Variants in TTYH2 observed in about 807,000 individuals in gnomAD.
TTYH2 encodes the protein tweety family member 2.
In TTYH2, 49 loss-of-function variants were observed where a neutral mutation model predicts 68.3. The observed-to-expected ratio is 0.72, with a 90% CI of 0.57 to 0.91. The LOEUF is 0.91. TTYH2 is among the 40% of genes least tolerant of loss of function. The pLI, the probability that TTYH2 is intolerant of heterozygous loss-of-function variation, is 0.00. For synonymous variants in TTYH2, 272 were observed against 300.8 expected (o/e 0.90, Z 0.99); for missense variants, 631 against 700.4 (o/e 0.90, Z 1.12).
Position 74,231,047 on chromosome 17 carries a change from C to A in TTYH2, c.414+48C>A, listed in dbSNP as rs199507406. On this transcript the variant is annotated intron_variant, in intron 3 of 13. Transcript: ENST00000269346. ...CGGGTACAGGCACAGCCCACAAGGTCAGCGTGGTCAGAGCAAGGGCCCCCG... is the reference window on the plus strand; with the variant it reads ...CGGGTACAGGCACAGCCCACAAGGTAAGCGTGGTCAGAGCAAGGGCCCCCG... 9 of 1,568,098 alleles carry A rather than the reference C, an allele frequency of 5.7e-6. No individual in the cohort carries two copies. In the East Asian group the frequency reaches 2.0e-4, roughly 35 times the overall value.
intron 5 of TTYH2, 39 bp from the exon 6 acceptor site, chr17:74,243,938 G>A: frequency 6.2e-7 from 1 of 1,601,156 alleles, no homozygotes; most frequent in Non-Finnish European, 8.5e-7. Context: ...AGAGGAAGGG[G>A]ACCCCGCCTG....
intron 13 of TTYH2, among the ~76,000 whole-genome samples, chr17:74,258,701 G>A (rs1374182150): frequency 6.8e-6 from 1 of 147,158 alleles, no homozygotes; most frequent in Non-Finnish European, 1.5e-5. Context: ...TTCTCGGTGG[G>A]GGGTTCCTGT....
rs1274471955 is a variant in TTYH2 at position 74,213,650 on chromosome 17, G to T, written c.63G>T (p.Pro21=). ...PWWVVWLHSV[P]HVGLRLQPVN... ...GGGTCGTGTGGCTGCACAGCGTCCC[G>T]CACGTCGGCCTGCGCCTGCAGCCCG... The change falls in exon 1 of 14, where the codon CCG becomes CCT. Residue 21 remains proline (P), a synonymous_variant. Coordinates refer to ENST00000269346, the MANE Select transcript of TTYH2 (RefSeq NM_032646.6). The surrounding 1 kb of genome is among the most constrained non-coding windows in gnomAD (Gnocchi z 6.1). 3 of 1,612,128 alleles carry T rather than the reference G, an allele frequency of 1.9e-6. No individual in the cohort carries two copies. The highest frequency in any genetic ancestry group is 1.7e-4 in the Middle Eastern group (1 of 6,036).
At chr17:74,225,952 G>A (rs763748743) in intron 2 of TTYH2, among the ~76,000 whole-genome samples, 9 of 152,250 alleles carry the variant, frequency 5.9e-5, no homozygotes, top group Non-Finnish European at 1.0e-4. Context: ...ACACCTGGGC[G>A]TGGGCAGTGA....
At chr17:74,219,569 G>GCA (rs1271009917) in intron 1 of TTYH2, among the ~76,000 whole-genome samples, 1 of 151,694 alleles carries the variant, frequency 6.6e-6, no homozygotes, top group Non-Finnish European at 1.5e-5. Context: ...CTTGAAATCC[G>GCA]CACCCTCCCA....
intron 1 of TTYH2, among the ~76,000 whole-genome samples, chr17:74,216,778 G>C (rs905499021): frequency 6.6e-6 from 1 of 152,256 alleles, no homozygotes; most frequent in Admixed American, 6.5e-5. Flanking sequence ...AGATGTGGCT[G>C]TATGTCTGGA....
chr17:74,244,212 A>G (rs529649355), intron 6 of TTYH2, 163 bp downstream of exon 6: 3 of 649,456 alleles, frequency 4.6e-6, no homozygotes, highest in Non-Finnish European at 5.2e-6. Flanking sequence ...CTCTCGTTAC[A>G]GATGGGGAAA....
chr17:74,243,025 T>C (rs1045123638), intron 4 of TTYH2, among the ~76,000 whole-genome samples: 2 of 151,982 alleles, frequency 1.3e-5, no homozygotes, highest in Non-Finnish European at 2.9e-5. Flanking sequence ...GCACAAGCCA[T>C]ATTTCAAGTT....
At position 74,216,745 on chromosome 17, in the gene TTYH2, C is replaced by T. The variant is rs149490771; in HGVS notation, c.129+3029C>T. 2.0e-3 allele frequency among the ~76,000 whole-genome samples: 310 copies of T among 152,346 alleles called. 1 individual carries two copies. Among genetic ancestry groups the T allele is most frequent in the African/African-American group, 7.1e-3 (294 of 41,578 alleles). ...GTGGACGAGGGCACCTTGGCCCTGG[C>T]GGGCACCCAGCTCTGGGCTGCCAGA... On this transcript the variant is annotated intron_variant, in intron 1 of 13. Coordinates refer to ENST00000269346, the MANE Select transcript of TTYH2 (RefSeq NM_032646.6).
intron 1 of TTYH2, among the ~76,000 whole-genome samples, chr17:74,220,318 A>G (rs1294233868): frequency 6.6e-6 from 1 of 152,212 alleles, no homozygotes; most frequent in Admixed American, 6.5e-5. Context: ...AGCTACTGGA[A>G]AAAGTTTGAG....
chr17:74,237,714 C>A (rs1009641497), intron 4 of TTYH2, among the ~76,000 whole-genome samples, 200 bp downstream of exon 4: 16 of 152,086 alleles, frequency 1.1e-4, no homozygotes, highest in African/African-American at 3.6e-4. Flanking sequence ...ACAATCTCTA[C>A]CTCCGGGGTT....
chr17:74,224,860 G>A (rs914322020), intron 2 of TTYH2, among the ~76,000 whole-genome samples: 7 of 152,272 alleles, frequency 4.6e-5, no homozygotes, highest in East Asian at 1.9e-4. Context: ...TTAGCTGGGC[G>A]TGGTGGCGAG....
In TTYH2 at chr17:74,243,426, G is replaced by C; in HGVS notation, c.688G>C (p.Ala230Pro). ...FILDLVICLI[A>P]CLGLAKRSKC... ...CCTGGACCTGGTCATCTGCCTCATTGCCTGCCTGGGACTGGCCAAGCGCTC... is the reference window on the plus strand; with the variant it reads ...CCTGGACCTGGTCATCTGCCTCATTCCCTGCCTGGGACTGGCCAAGCGCTC... Residue 230 changes from alanine to proline, a missense_variant, in exon 5 of 14, where the codon GCC becomes CCC. Ala to Pro is a conservative substitution (Grantham distance 27). Transcript: ENST00000269346. 6.2e-7 allele frequency: 1 copy of C among 1,614,172 alleles called. No homozygotes were observed. The highest frequency in any genetic ancestry group is 1.3e-5 in the African/African-American group (1 of 75,032).
At chr17:74,256,032 A>G (rs529599158) in intron 13 of TTYH2, among the ~76,000 whole-genome samples, 3 of 152,320 alleles carry the variant, frequency 2.0e-5, no homozygotes, top group African/African-American at 7.2e-5. Context: ...TCATAGTGTC[A>G]GACCCGAGAA....
rs759303957 is a variant in TTYH2 at position 74,260,191 on chromosome 17, G to C, written c.1587G>C (p.Gly529=). ...CGGATGAGCACCTGAGGCACTACGG[G>C]AATCAGTTTCCAGCCTAACAGACTT... ...SVADEHLRHY[G]NQFPA is the part of the protein sequence containing the mutation. The change falls in exon 14 of 14, where the codon GGG becomes GGC. Residue 529 remains glycine, a synonymous_variant. Transcript: ENST00000269346. 8.7e-6 allele frequency: 14 copies of C among 1,613,852 alleles called. No individual in the cohort carries two copies. Among genetic ancestry groups the C allele is most frequent in the African/African-American group, 1.3e-5 (1 of 74,920 alleles).
In TTYH2 at chr17:74,213,710, C is replaced by G; in HGVS notation, c.123C>G (p.Tyr41Ter). 6.2e-7 allele frequency: 1 copy of G among 1,611,374 alleles called. No homozygotes were observed. The highest frequency in any genetic ancestry group is 8.5e-7 in the Non-Finnish European group (1 of 1,178,862). ...CCTTCAGCCCCGGCGACGAGAGTTA[C>G]CAGGAGGTAAGTTTACGCCGCCCCA... ...NSTFSPGDESYQESLLFLGLV... is the reference protein window; with the variant it reads ...NSTFSPGDES The change falls in exon 1 of 14, where the codon TAC becomes TAG. Residue 41 changes from tyrosine to a stop codon, truncating the protein, a stop_gained. Transcript: ENST00000269346. LOFTEE classifies it high-confidence loss of function. This position sits in a 1 kb window ranked among gnomAD's most constrained non-coding sequence, Gnocchi z 6.1.
At chr17:74,243,041 T>A (rs2050517683) in intron 4 of TTYH2, among the ~76,000 whole-genome samples, 1 of 152,208 alleles carries the variant, frequency 6.6e-6, no homozygotes, top group African/African-American at 2.4e-5. Context: ...AAGTTCTCGG[T>A]AGCCACCTGT....
At chr17:74,250,056 G>C (rs776533680) in intron 9 of TTYH2, 28 bp downstream of exon 9, 2 of 1,610,668 alleles carry the variant, frequency 1.2e-6, no homozygotes, top group Non-Finnish European at 1.7e-6. Flanking sequence ...GAAGAGGGGA[G>C]CCCCAGATGA....
intron 13 of TTYH2, among the ~76,000 whole-genome samples, chr17:74,258,784 T>C (rs1231419343): frequency 6.6e-6 from 1 of 152,078 alleles, no homozygotes; most frequent in Non-Finnish European, 1.5e-5. Context: ...TGCCCAGTTG[T>C]GACAACCAGA....
Sources: gnomAD v4.1 joint callset for allele counts (sites outside exome capture counted in the v4.1 genomes callset) on GRCh38, gnomAD v4.1.1 for gene constraint, Gnocchi (gnomAD v3.1) non-coding constraint, MANE v1.5 for transcripts, NCBI Gene and HGNC (gene_info 2026-07-23, HGNC 2026-07-21) for gene names.